The following KIAA1328 variants were observed in gnomAD, a reference collection of about 807,000 sequenced individuals.
The protein encoded by KIAA1328 is KIAA1328, also known as protein hinderin.
Under a neutral mutation model 68.1 loss-of-function variants are expected in KIAA1328, and 52 were observed. The observed-to-expected ratio is 0.76, with a 90% CI of 0.61 to 0.96. The LOEUF (loss-of-function observed/expected upper bound fraction) is 0.96, where lower values mean the gene tolerates loss of function less well. Among genes scored for constraint, KIAA1328 ranks in the 40% least tolerant of loss-of-function variants. The pLI is 0.00. For missense variants in KIAA1328, 641 were observed against 677.6 expected (o/e 0.95, Z 0.60); for synonymous variants, 232 against 239.4 (o/e 0.97, Z 0.28).
At chr18:37,000,814 G>A (rs1325896924) in intron 6 of KIAA1328, among the ~76,000 whole-genome samples, 3 of 151,952 alleles carry the variant, frequency 2.0e-5, no homozygotes, top group African/African-American at 4.8e-5. Context: ...AATAAATTAA[G>A]ATGGAAATTT....
At chr18:37,064,798 A>G (rs1008240751) in intron 6 of KIAA1328, among the ~76,000 whole-genome samples, 1 of 152,088 alleles carries the variant, frequency 6.6e-6, no homozygotes, top group African/African-American at 2.4e-5. Flanking sequence ...AAGGGCTATA[A>G]AAGTGAGAAA....
In KIAA1328 at chr18:37,066,748, G is replaced by T. The variant is rs904363723; in HGVS notation, c.577-142G>T. The T allele has an allele frequency of 3.6e-5, 27 of 741,446 alleles. No individual in the cohort carries two copies. In the African/African-American group the frequency reaches 4.6e-4, roughly 13 times the overall value. The allele number at this position is 741,446 out of a possible 1,614,324, so 45.9% of individuals were successfully genotyped here. A position where few individuals can be genotyped will look rare whatever the true frequency, so the allele number is the denominator to read the frequency against. ...CTTTGGGGCACAAGTCTGTTTAGCT[G>T]TGTGAATGCTATAATTTAATATTTA... On this transcript the variant is annotated intron_variant, in intron 6 of 9. Coordinates refer to ENST00000280020, the MANE Select transcript of KIAA1328 (RefSeq NM_020776.3).
chr18:37,087,323 G>A (rs772470413), intron 7 of KIAA1328, among the ~76,000 whole-genome samples: 1 of 152,236 alleles, frequency 6.6e-6, no homozygotes, highest in East Asian at 1.9e-4. Flanking sequence ...GCTTCCCAAA[G>A]AGCTGGGATT....
At chr18:37,136,158 G>T (rs931916058) in intron 7 of KIAA1328, among the ~76,000 whole-genome samples, 2 of 152,112 alleles carry the variant, frequency 1.3e-5, no homozygotes, top group African/African-American at 4.8e-5. Context: ...CACGTAGGCT[G>T]GTCCTTACCT....
At chr18:36,847,247 G>T (rs139698789) in intron 4 of KIAA1328, among the ~76,000 whole-genome samples, 1 of 151,500 alleles carries the variant, frequency 6.6e-6, no homozygotes, top group East Asian at 1.9e-4. Context: ...ACAAGTTTTT[G>T]CATGAACATA....
At chr18:36,972,247 C>T (rs967314895) in intron 6 of KIAA1328, among the ~76,000 whole-genome samples, 1 of 152,156 alleles carries the variant, frequency 6.6e-6, no homozygotes, top group Non-Finnish European at 1.5e-5. Context: ...ACCCTTCACA[C>T]CATGCACAAA....
chr18:36,856,058 T>C (rs186533631), intron 4 of KIAA1328, among the ~76,000 whole-genome samples: 15 of 152,252 alleles, frequency 9.9e-5, no homozygotes, highest in Non-Finnish European at 1.8e-4. Context: ...GACTATCTTA[T>C]TGAAGATTCC....
At chr18:37,014,474 C>T (rs1037814716) in intron 6 of KIAA1328, among the ~76,000 whole-genome samples, 6 of 152,202 alleles carry the variant, frequency 3.9e-5, no homozygotes, top group East Asian at 1.9e-4. Context: ...AGTTTGTTCT[C>T]GCATTGCTGT....
intron 6 of KIAA1328, among the ~76,000 whole-genome samples, chr18:36,964,751 A>T (rs868295018): frequency 2.0e-5 from 3 of 152,110 alleles, no homozygotes; most frequent in Admixed American, 1.3e-4. Context: ...TGATGTGTGT[A>T]TATTACCCCA....
chr18:36,845,189 C>T (rs2046986472), intron 4 of KIAA1328, among the ~76,000 whole-genome samples: 1 of 151,736 alleles, frequency 6.6e-6, no homozygotes, highest in South Asian at 2.1e-4. Flanking sequence ...ATTCAAAGTA[C>T]ACGCCTTAGT....
intron 4 of KIAA1328, among the ~76,000 whole-genome samples, chr18:36,856,824 G>A (rs2047398710): frequency 6.6e-6 from 1 of 152,114 alleles, no homozygotes; most frequent in Non-Finnish European, 1.5e-5. Context: ...GCTTCCCAGA[G>A]TTTGCTGTTG....
Position 36,946,533 on chromosome 18 carries a change from A to G in KIAA1328, c.449-12775A>G, listed in dbSNP as rs536087294. On this transcript the variant is annotated intron_variant, in intron 5 of 9. Coordinates refer to ENST00000280020, the MANE Select transcript of KIAA1328 (RefSeq NM_020776.3). ...AGACCCACAGGTAATTCTTTTGTAC[A>G]TTACATTTTAAGGAATGCTGCTCTA... 6 of 152,312 alleles carry G rather than the reference A, an allele frequency of 3.9e-5. No homozygotes were observed. The South Asian group carries it at 1.0e-3, about 26-fold the overall frequency. The allele number at this position is 152,312 out of a possible 1,614,324, so 9.4% of individuals were successfully genotyped here.
chr18:37,060,748 A>G (rs149524821), intron 6 of KIAA1328, among the ~76,000 whole-genome samples: 42 of 152,332 alleles, frequency 2.8e-4, no homozygotes, highest in Admixed American at 7.2e-4. Context: ...TTTATTCATA[A>G]TAACCCCTAA....
intron 4 of KIAA1328, among the ~76,000 whole-genome samples, chr18:36,851,051 TGC>T (rs1237108350): frequency 2.6e-5 from 4 of 152,200 alleles, no homozygotes; most frequent in Non-Finnish European, 4.4e-5. Context: ...AAAGCTTTTC[TGC>T]CTCAATTGAT....
chr18:37,119,421 G>C (rs1278055657), intron 7 of KIAA1328, among the ~76,000 whole-genome samples: 4 of 152,102 alleles, frequency 2.6e-5, no homozygotes, highest in Non-Finnish European at 5.9e-5. Context: ...CTCACAGTTA[G>C]GCAGGTTGGA....
chr18:37,109,023 G>T (rs2057854924), intron 7 of KIAA1328, among the ~76,000 whole-genome samples: 1 of 147,586 alleles, frequency 6.8e-6, no homozygotes. Flanking sequence ...GTGAGAACAT[G>T]CAGTGTTTGG....
chr18:37,096,009 A>G (rs554778667), intron 7 of KIAA1328, among the ~76,000 whole-genome samples: 2 of 152,296 alleles, frequency 1.3e-5, no homozygotes, highest in East Asian at 3.9e-4. Flanking sequence ...CCTCCCAAAC[A>G]AAATTAAGGC....
At chr18:37,166,864 G>T (rs1020034691) in intron 8 of KIAA1328, among the ~76,000 whole-genome samples, 2 of 152,084 alleles carry the variant, frequency 1.3e-5, no homozygotes, top group Admixed American at 1.3e-4. Context: ...AAAGTCAGAT[G>T]ATCTAGAATA....
chr18:37,044,858 G>T (rs919236192), intron 6 of KIAA1328, among the ~76,000 whole-genome samples: 1 of 150,222 alleles, frequency 6.7e-6, no homozygotes, highest in Non-Finnish European at 1.5e-5. Context: ...TATGAAAATA[G>T]CAGCAAAGTT....
Sources: gnomAD v4.1 joint callset for allele counts (sites outside exome capture counted in the v4.1 genomes callset) on GRCh38, gnomAD v4.1.1 for gene constraint, MANE v1.5 for transcripts, NCBI Gene and HGNC (gene_info 2026-07-23, HGNC 2026-07-21) for gene names.